Variants in CCDC91 observed in about 807,000 individuals in gnomAD.
CCDC91 encodes the protein coiled-coil domain-containing protein 91.
A neutral mutation model predicts 63.2 loss-of-function variants in CCDC91; 48 were observed. The observed-to-expected ratio is 0.76, with a 90% CI of 0.60 to 0.97. The LOEUF (loss-of-function observed/expected upper bound fraction) is 0.97, where lower values mean the gene tolerates loss of function less well. Ranked by LOEUF, CCDC91 falls within the 50% of genes least tolerant of loss-of-function variation. The pLI is 0.00. For synonymous variants in CCDC91, 167 were observed against 165.8 expected (o/e 1.01, Z -0.06); for missense variants, 500 against 494.6 (o/e 1.01, Z -0.10).
chr12:28,499,691 T>C (rs896659077), intron 12 of CCDC91, among the ~76,000 whole-genome samples: 14 of 152,176 alleles, frequency 9.2e-5, no homozygotes, highest in African/African-American at 3.1e-4. Flanking sequence ...TTTTTATGGT[T>C]GCATAGTATT....
At chr12:28,389,560 T>C (rs1945810753) in intron 7 of CCDC91, among the ~76,000 whole-genome samples, 1 of 152,104 alleles carries the variant, frequency 6.6e-6, no homozygotes, top group Non-Finnish European at 1.5e-5. Flanking sequence ...ATTGTACTTC[T>C]TAATTATGGA....
intron 3 of CCDC91, among the ~76,000 whole-genome samples, chr12:28,282,039 G>T (rs1286888334): frequency 6.6e-6 from 1 of 152,058 alleles, no homozygotes; most frequent in Admixed American, 6.6e-5. Context: ...TAACTTAAAG[G>T]TAGAAATGTA....
chr12:28,201,077 A>G (rs1212641568), intron 1 of CCDC91, among the ~76,000 whole-genome samples: 1 of 123,016 alleles, frequency 8.1e-6, no homozygotes, highest in South Asian at 2.9e-4. Flanking sequence ...TAGAGGCGGC[A>G]GGGCAGAGGC....
At chr12:28,348,595 T>A (rs913270338) in intron 6 of CCDC91, among the ~76,000 whole-genome samples, 9 of 152,226 alleles carry the variant, frequency 5.9e-5, no homozygotes, top group Non-Finnish European at 1.3e-4. Context: ...TGTGTTACTG[T>A]TTTGTTTTCT....
chr12:28,207,797 G>A (rs1287562137), intron 1 of CCDC91, among the ~76,000 whole-genome samples: 2 of 152,084 alleles, frequency 1.3e-5, no homozygotes, highest in East Asian at 3.9e-4. Context: ...AAGGTTTAAG[G>A]ACTCAATAAG....
chr12:28,379,294 G>C (rs1321365958), intron 7 of CCDC91, among the ~76,000 whole-genome samples: 2 of 151,784 alleles, frequency 1.3e-5, no homozygotes, highest in East Asian at 3.9e-4. Flanking sequence ...AACCAAAATT[G>C]ACAAATGGGA....
At chr12:28,490,351 A>G (rs907594278) in intron 12 of CCDC91, among the ~76,000 whole-genome samples, 1 of 151,908 alleles carries the variant, frequency 6.6e-6, no homozygotes, top group Non-Finnish European at 1.5e-5. Context: ...ATACCCTTAC[A>G]TTCATTATTG....
intron 7 of CCDC91, among the ~76,000 whole-genome samples, chr12:28,382,613 G>C (rs1481003235): frequency 6.6e-6 from 1 of 152,076 alleles, no homozygotes; most frequent in Non-Finnish European, 1.5e-5. Flanking sequence ...CAACAGAAGA[G>C]GAGTTGTAAA....
At chr12:28,331,850 G>A (rs1172517770) in intron 6 of CCDC91, among the ~76,000 whole-genome samples, 4 of 152,050 alleles carry the variant, frequency 2.6e-5, no homozygotes, top group South Asian at 2.1e-4. Flanking sequence ...TATGAAATAC[G>A]TAAAAATATA....
intron 3 of CCDC91, among the ~76,000 whole-genome samples, chr12:28,297,240 A>C (rs1000138496): frequency 1.3e-5 from 2 of 151,902 alleles, no homozygotes; most frequent in African/African-American, 4.8e-5. Flanking sequence ...AGAATTAATA[A>C]GAGTTATTAT....
At position 28,485,222 on chromosome 12, in the gene CCDC91, G is replaced by A. The variant is rs1023124319; in HGVS notation, c.1215+1057G>A. 5.1e-4 allele frequency among the ~76,000 whole-genome samples: 77 copies of A among 151,532 alleles called. 1 individual carries two copies. Among genetic ancestry groups the A allele is most frequent in the Admixed American group, 1.8e-3 (28 of 15,212 alleles). On this transcript the variant is annotated intron_variant, in intron 12 of 12. Coordinates refer to ENST00000536442, the MANE Select transcript of CCDC91 (RefSeq NM_018318.5). The stretch of plus-strand genomic sequence containing the variant: ...TGCCCAGGCTGGAGTGCAGTGGCGC[G>A]ATCTCCGCTCACTGTAACCTCTGCC...
chr12:28,423,779 A>G (rs1482172197), intron 8 of CCDC91, among the ~76,000 whole-genome samples: 1 of 152,164 alleles, frequency 6.6e-6, no homozygotes, highest in Non-Finnish European at 1.5e-5. Flanking sequence ...AACTAATGTA[A>G]TTTAATTGTG....
At chr12:28,538,492 A>C (rs1942368450) in intron 12 of CCDC91, among the ~76,000 whole-genome samples, 1 of 151,686 alleles carries the variant, frequency 6.6e-6, no homozygotes, top group South Asian at 2.1e-4. Flanking sequence ...ACATTTTCTT[A>C]ATCCAGTCTA....
chr12:28,353,228 G>A (rs1943299210), intron 6 of CCDC91, among the ~76,000 whole-genome samples: 1 of 152,146 alleles, frequency 6.6e-6, no homozygotes, highest in East Asian at 1.9e-4. Context: ...TTATGGCCTT[G>A]TTCTGAATTA....
chr12:28,489,656 G>A (rs1592827807), intron 12 of CCDC91, among the ~76,000 whole-genome samples: 2 of 151,818 alleles, frequency 1.3e-5, no homozygotes, highest in Admixed American at 6.6e-5. Flanking sequence ...TCACTTTAGA[G>A]TATCCTTTTA....
chr12:28,267,875 ATATATAATTATTATAATTATATATAAT>A (rs1565700786), intron 3 of CCDC91, among the ~76,000 whole-genome samples: 1 of 78,878 alleles, frequency 1.3e-5, no homozygotes, highest in Non-Finnish European at 2.3e-5. Flanking sequence ...ATATATAATT[ATATATAATTATTATAATTATATATAAT>A]TATATTATAT....
intron 12 of CCDC91, among the ~76,000 whole-genome samples, chr12:28,521,783 G>A (rs548978306): frequency 1.2e-3 from 185 of 152,244 alleles, no homozygotes; most frequent in Non-Finnish European, 2.3e-3. Context: ...TTAGCTTGAA[G>A]CGTTGTTGAG....
chr12:28,432,827 G>A (rs1260096026), intron 8 of CCDC91, among the ~76,000 whole-genome samples: 1 of 152,016 alleles, frequency 6.6e-6, no homozygotes, highest in African/African-American at 2.4e-5. Context: ...GTACCATTTT[G>A]GTTATGCACC....
chr12:28,205,090 G>A (rs1942743610), intron 1 of CCDC91, among the ~76,000 whole-genome samples: 1 of 152,082 alleles, frequency 6.6e-6, no homozygotes, highest in African/African-American at 2.4e-5. Flanking sequence ...TAATGACTCG[G>A]CTAGTCTTCA....
Sources: allele counts gnomAD v4.1 joint callset (sites outside exome capture counted in the v4.1 genomes callset), GRCh38; gene constraint gnomAD v4.1.1; transcripts MANE v1.5; gene names NCBI Gene and HGNC (gene_info 2026-07-23, HGNC 2026-07-21).